The following ANO8 variants were observed in gnomAD, a reference collection of about 807,000 sequenced individuals.
ANO8 encodes anoctamin-8.
A neutral mutation model predicts 120.4 loss-of-function variants in ANO8; 67 were observed. The ratio of observed to expected loss-of-function variants is 0.56; its 90% CI spans 0.46 to 0.68. The LOEUF is 0.68. Among genes scored for constraint, ANO8 ranks in the 30% least tolerant of loss-of-function variants. The pLI is 0.00. For missense variants in ANO8, 1,526 were observed against 1,737.6 expected (o/e 0.88, Z 2.16); for synonymous variants, 727 against 759.2 (o/e 0.96, Z 0.70).
chr19:17,323,568 AG>A lies in ANO8; in HGVS notation c.3647del (p.Pro1216LeufsTer103). On this transcript the variant is annotated frameshift_variant, in exon 18 of 18. Coordinates refer to ENST00000159087, the MANE Select transcript of ANO8 (RefSeq NM_020959.3). LOFTEE classifies it high-confidence loss of function. ...CGGCCTGGGGGCTGGGGCTGGGGCTAGGGGAGGGCGCTGGGGTCTCGAGGGG... is the reference window on the plus strand; with the variant it reads ...CGGCCTGGGGGCTGGGGCTGGGGCTAGGGAGGGCGCTGGGGTCTCGAGGGG... ...SDPLETPAPS[P>X]SPSPSPQAVC... 1 of 1,034,218 alleles carries A rather than the reference AG, an allele frequency of 9.7e-7. No homozygotes were observed. Among genetic ancestry groups the A allele is most frequent in the Non-Finnish European group, 1.2e-6 (1 of 858,638 alleles). The allele number at this position is 1,034,218 out of a possible 1,614,324, so 64.1% of individuals were successfully genotyped here.
chr19:17,328,825 A>G lies in ANO8; in HGVS notation c.1563T>C (p.Pro521=). The change falls in exon 13 of 18, where the codon CCT becomes CCC. Residue 521 remains proline, a synonymous_variant. Transcript: ENST00000159087. ...ALLGLLSLRR[P]APRRLEPQAD... is the part of the protein sequence containing the mutation. Reference sequence around the variant, plus strand: ...CCTGGGGTTCGAGGCGGCGGGGCGCAGGGCGCCGGAGGCTCAGGAGGCCAA... The same window carrying G: ...CCTGGGGTTCGAGGCGGCGGGGCGCGGGGCGCCGGAGGCTCAGGAGGCCAA... The G allele has an allele frequency of 1.4e-6, 2 of 1,431,876 alleles. No individual in the cohort carries two copies. The highest frequency in any genetic ancestry group is 1.8e-6 in the Non-Finnish European group (2 of 1,097,134). The allele number at this position is 1,431,876 out of a possible 1,614,324, so 88.7% of individuals were successfully genotyped here.
At chr19:17,334,235 A>C (rs1038794321) in intron 1 of ANO8, among the ~76,000 whole-genome samples, 1 of 152,190 alleles carries the variant, frequency 6.6e-6, no homozygotes, top group African/African-American at 2.4e-5. Context: ...CTGGGATTTG[A>C]ACCCAGGACC....
chr19:17,332,845 C>T (rs2074328765), intron 5 of ANO8, 85 bp downstream of exon 5: 2 of 1,499,532 alleles, frequency 1.3e-6, no homozygotes, highest in African/African-American at 1.4e-5. Context: ...GGATCTGGGC[C>T]CCGCCCTCCT....
intron 16 of ANO8, 59 bp downstream of exon 16, chr19:17,327,176 T>G: frequency 7.2e-7 from 1 of 1,398,348 alleles, no homozygotes; most frequent in Non-Finnish European, 9.7e-7. Context: ...GCCACCAAGA[T>G]CAGAGATCCA....
intron 5 of ANO8, among the ~76,000 whole-genome samples, chr19:17,331,925 G>C (rs191018572): frequency 7.6e-6 from 1 of 132,186 alleles, no homozygotes; most frequent in African/African-American, 2.9e-5. Context: ...GAGCCACCGC[G>C]CCCGGCTTTT....
rs1000705150 is a variant in ANO8, at chr19:17,327,787, C to T, written c.2320G>A (p.Val774Ile). 3 of 1,614,210 alleles carry T rather than the reference C, an allele frequency of 1.9e-6. No individual in the cohort carries two copies. Among genetic ancestry groups the T allele is most frequent in the Non-Finnish European group, 2.5e-6 (3 of 1,180,018 alleles). Residue 774 changes from valine (V) to isoleucine (I), a missense_variant, in exon 14 of 18, where the codon GTC (valine) becomes ATC (isoleucine). Physicochemically the swap from Val to Ile is conservative, Grantham distance 29. Coordinates refer to ENST00000159087, the MANE Select transcript of ANO8 (RefSeq NM_020959.3). ...AFPLAALCAL[V>I]NNLIEIRSDA... ...CTGCGGATCTCAATGAGGTTGTTGA[C>T]CAGGGCGCACAGCGCCGCCAGGGGG... is the stretch of plus-strand genomic sequence containing the variant.
intron 10 of ANO8, 33 bp from the exon 11 acceptor site, chr19:17,330,047 C>G: frequency 1.2e-6 from 2 of 1,613,904 alleles, no homozygotes; most frequent in Non-Finnish European, 1.7e-6. Flanking sequence ...AGGGGGCAGC[C>G]GCGGTCCCCC....
At position 17,327,820 on chromosome 19, in the gene ANO8, A is replaced by G. The variant is rs777508557; in HGVS notation, c.2287T>C (p.Ser763Pro). Reference protein sequence around the residue: ...VQFGYVVLFSSAFPLAALCAL... With the variant: ...VQFGYVVLFSPAFPLAALCAL... ...CACAGCGCCGCCAGGGGGAAGGCGG[A>G]CGAGAAGAGCACAACGTAGCCGAAC... The change falls in exon 14 of 18, where the codon TCC (serine) becomes CCC (proline). Residue 763 changes from serine to proline, a missense_variant. By Grantham distance (74) the Ser-to-Pro change is moderately conservative (BLOSUM62 -1). Coordinates refer to ENST00000159087, the MANE Select transcript of ANO8 (RefSeq NM_020959.3). 6.2e-7 allele frequency: 1 copy of G among 1,614,214 alleles called. No homozygotes were observed. Among genetic ancestry groups the G allele is most frequent in the East Asian group, 2.2e-5 (1 of 44,886 alleles).
chr19:17,334,817 G>C lies in ANO8; in HGVS notation c.-147C>G. On this transcript the variant is annotated 5_prime_UTR_variant, in exon 1 of 18. Transcript: ENST00000159087. Reference sequence around the variant, plus strand: ...CCGGCCTCGGTCCTCGCTCGCCCGAGCGCTGCTTCTCGTCCCCGCCCGAGC... The same window carrying C: ...CCGGCCTCGGTCCTCGCTCGCCCGACCGCTGCTTCTCGTCCCCGCCCGAGC... The C allele has an allele frequency of 5.7e-6, 7 of 1,228,490 alleles. No homozygotes were observed. The highest frequency in any genetic ancestry group is 7.6e-6 in the Non-Finnish European group (7 of 918,442). 76.1% of individuals were successfully genotyped at this position (1,228,490 alleles called of 1,614,324 possible). A position where few individuals can be genotyped will look rare whatever the true frequency, so the allele number is the denominator to read the frequency against.
chr19:17,323,263 A>G lies in ANO8; in HGVS notation c.*254T>C. 1 of 270,586 alleles carries G rather than the reference A, an allele frequency of 3.7e-6. No homozygotes were observed. The highest frequency in any genetic ancestry group is 6.9e-6 in the Non-Finnish European group (1 of 144,316). 16.8% of individuals were successfully genotyped at this position (270,586 alleles called of 1,614,324 possible). ...GTTTTTATTGCATTTCTGCCGTTTT[A>G]CAAAAATATGACAAAATAAATTAAA... On this transcript the variant is annotated 3_prime_UTR_variant, in exon 18 of 18. Transcript: ENST00000159087.
Position 17,329,779 on chromosome 19 carries a change from T to G in ANO8, c.1382A>C (p.Lys461Thr), listed in dbSNP as rs778656163. ...LSLFYIGFYL[K>T]DMERLKEMLA... The stretch of plus-strand genomic sequence containing the variant: ...CACCTCTTTCAAGCGCTCCATGTCC[T>G]TGAGGTAGAAACCGATGTAGAAGAG... Residue 461 changes from lysine (K) to threonine (T), a missense_variant, in exon 12 of 18, where the codon AAG becomes ACG. By Grantham distance (78) the Lys-to-Thr change is moderately conservative. Coordinates refer to ENST00000159087, the MANE Select transcript of ANO8 (RefSeq NM_020959.3). 2 of 1,613,264 alleles carry G rather than the reference T, an allele frequency of 1.2e-6. No individual in the cohort carries two copies. Among genetic ancestry groups the G allele is most frequent in the Non-Finnish European group, 1.7e-6 (2 of 1,179,808 alleles).
In ANO8 at chr19:17,330,256, G is replaced by C. The variant is rs758419771; in HGVS notation, c.1147-5C>G. The C allele has an allele frequency of 4.3e-6, 7 of 1,613,928 alleles. No homozygotes were observed. Among genetic ancestry groups the C allele is most frequent in the Middle Eastern group, 1.6e-4 (1 of 6,062 alleles). On this transcript the variant is annotated splice_polypyrimidine_tract_variant and splice_region_variant and intron_variant, in intron 9 of 17. Transcript: ENST00000159087. Reference sequence around the variant, plus strand: ...CTTCACGCTCAGCACCAGCTCCTGCGGGAGAAGGGGGTTCAGGGCTCATCC... The same window carrying C: ...CTTCACGCTCAGCACCAGCTCCTGCCGGAGAAGGGGGTTCAGGGCTCATCC...
At chr19:17,330,291 G>A (rs2074307350) in intron 9 of ANO8, 40 bp from the exon 10 acceptor site, 2 of 1,613,538 alleles carry the variant, frequency 1.2e-6, no homozygotes, top group Admixed American at 1.7e-5. Flanking sequence ...CCAGCTGCAG[G>A]GCTCAGCCCA....
At chr19:17,329,630 A>G (rs2074302104) in intron 12 of ANO8, 127 bp downstream of exon 12, 1 of 691,420 alleles carries the variant, frequency 1.4e-6, no homozygotes, top group Non-Finnish European at 2.5e-6. Flanking sequence ...ACGGACGGAC[A>G]GACAGGAGAG....
chr19:17,327,950 T>C, intron 13 of ANO8, 70 bp from the exon 14 acceptor site: 1 of 1,559,116 alleles, frequency 6.4e-7, no homozygotes, highest in Non-Finnish European at 8.7e-7. Context: ...TGAGCCCGCC[T>C]CCCTCAGATT....
rs764813369 is a variant in ANO8, at chr19:17,323,494, A to G, written c.*23T>C. 1.6e-5 allele frequency: 21 copies of G among 1,291,544 alleles called. No homozygotes were observed. In the East Asian group the frequency reaches 5.9e-4, roughly 36 times the overall value. 80.0% of individuals were successfully genotyped at this position (1,291,544 alleles called of 1,614,324 possible). On this transcript the variant is annotated 3_prime_UTR_variant, in exon 18 of 18. Coordinates refer to ENST00000159087, the MANE Select transcript of ANO8 (RefSeq NM_020959.3). ...GTGAATGACTGATATTGCATATGAG[A>G]AGAGAAGGCAGGGCGGGTAGAGCTA...
In ANO8 at chr19:17,325,174, G is replaced by A. The variant is rs762592049; in HGVS notation, c.2874C>T (p.His958=). 3.5e-5 allele frequency: 56 copies of A among 1,613,078 alleles called. No individual in the cohort carries two copies. The highest frequency in any genetic ancestry group is 4.3e-5 in the Non-Finnish European group (51 of 1,179,846). The change falls in exon 17 of 18, where the codon CAC becomes CAT. Residue 958 remains histidine, a synonymous_variant. Transcript: ENST00000159087. ...CTGGGCGCTTGGGCCGTTCAGGCCC[G>A]TGGCCACCCGCAGTGCTGCCCTTGG... ...AKAKGSTAGG[H]GPERPKRPGS...
intron 12 of ANO8, 69 bp from the exon 13 acceptor site, chr19:17,329,052 C>T (rs1248193020): frequency 1.6e-6 from 2 of 1,279,184 alleles, no homozygotes; most frequent in Non-Finnish European, 2.1e-6. Flanking sequence ...GGGGGACTCA[C>T]CCTCCCTGGG....
rs2074258281 is a variant in ANO8, at chr19:17,324,279, G to GCAGCCC, written c.3332-401_3332-396dup. Among the ~76,000 whole-genome samples, 3 of 152,174 alleles carry GCAGCCC rather than the reference G, an allele frequency of 2.0e-5. No individual in the cohort carries two copies. In the South Asian group the frequency reaches 6.2e-4, roughly 32 times the overall value. ...GCACATGTGGGAGCTCCCTGGGTGG[G>GCAGCCC]CAGCCCCAGCCCCACCTCGAGGAAG... On this transcript the variant is annotated intron_variant, in intron 17 of 17. Transcript: ENST00000159087.
Sources: gnomAD v4.1 joint callset for allele counts (sites outside exome capture counted in the v4.1 genomes callset) on GRCh38, gnomAD v4.1.1 for gene constraint, MANE v1.5 for transcripts, NCBI Gene and HGNC (gene_info 2026-07-23, HGNC 2026-07-21) for gene names.